TMEM132D: variants seen among roughly 807,000 people sequenced by gnomAD.
The protein encoded by TMEM132D is mature OL transmembrane protein.
TMEM132D carries 21 observed loss-of-function variants against 62.3 expected under a neutral mutation model. The observed-to-expected ratio is 0.34, with a 90% confidence interval of 0.24 to 0.49. The LOEUF (loss-of-function observed/expected upper bound fraction) is 0.49. Ranked by LOEUF, TMEM132D falls within the 20% of genes least tolerant of loss-of-function variation. TMEM132D has a pLI of 0.99. For missense variants in TMEM132D, 1,346 were observed against 1,402.8 expected (o/e 0.96, Z 0.65); for synonymous variants, 621 against 575.6 (o/e 1.08, Z -1.13).
intron 2 of TMEM132D, among the ~76,000 whole-genome samples, chr12:129,628,639 A>G (rs958487037): frequency 2.0e-5 from 3 of 152,196 alleles, no homozygotes; most frequent in Non-Finnish European, 4.4e-5. Flanking sequence ...TCGGGGAATC[A>G]TTCAGTGGAC....
chr12:129,478,343 T>G (rs1285382674), intron 3 of TMEM132D, among the ~76,000 whole-genome samples: 2 of 152,200 alleles, frequency 1.3e-5, no homozygotes, highest in African/African-American at 4.8e-5. Context: ...GTAATTGTGC[T>G]ACAACATTAA....
At chr12:129,079,452 C>T (rs1405758265) in intron 7 of TMEM132D, among the ~76,000 whole-genome samples, 1 of 152,206 alleles carries the variant, frequency 6.6e-6, no homozygotes, top group Non-Finnish European at 1.5e-5. Flanking sequence ...AGACCCTGAA[C>T]AGGAAATCCT....
At chr12:129,437,365 C>T (rs765981638) in intron 3 of TMEM132D, among the ~76,000 whole-genome samples, 13 of 152,300 alleles carry the variant, frequency 8.5e-5, no homozygotes, top group Non-Finnish European at 1.8e-4. Flanking sequence ...GAGAAATACA[C>T]TTTGTCTGCT....
intron 1 of TMEM132D, among the ~76,000 whole-genome samples, chr12:129,820,851 G>A (rs879342754): frequency 1.3e-5 from 2 of 152,168 alleles, no homozygotes; most frequent in South Asian, 2.1e-4. Flanking sequence ...GGCCTCCCAC[G>A]TAGCTGGGAC....
chr12:129,406,512 C>T (rs868024840), intron 3 of TMEM132D, among the ~76,000 whole-genome samples: 5 of 151,474 alleles, frequency 3.3e-5, no homozygotes, highest in Admixed American at 6.6e-5. Context: ...CCCAGCTACT[C>T]GGGAGGCTAA....
chr12:129,474,139 C>T (rs373029554), intron 3 of TMEM132D, among the ~76,000 whole-genome samples: 17 of 152,148 alleles, frequency 1.1e-4, no homozygotes, highest in East Asian at 5.8e-4. Context: ...GCAACACAGT[C>T]GGTTTCTGGG....
chr12:129,404,262 G>T (rs1407204392), intron 3 of TMEM132D, among the ~76,000 whole-genome samples: 1 of 151,742 alleles, frequency 6.6e-6, no homozygotes, highest in East Asian at 1.9e-4. Flanking sequence ...GCAGTGGTAC[G>T]ATCTCGGCTC....
At chr12:129,340,086 C>T (rs1244643380) in intron 3 of TMEM132D, among the ~76,000 whole-genome samples, 3 of 152,118 alleles carry the variant, frequency 2.0e-5, no homozygotes, top group Non-Finnish European at 4.4e-5. Flanking sequence ...CCTAGAAGAG[C>T]CACCTATAAT....
intron 4 of TMEM132D, among the ~76,000 whole-genome samples, chr12:129,229,816 C>T (rs1440052643): frequency 6.6e-6 from 1 of 152,182 alleles, no homozygotes; most frequent in Non-Finnish European, 1.5e-5. Flanking sequence ...TTCAGCAAGA[C>T]TTATTGGTGG....
At chr12:129,519,187 G>T (rs552970808) in intron 3 of TMEM132D, among the ~76,000 whole-genome samples, 27 of 152,066 alleles carry the variant, frequency 1.8e-4, no homozygotes, top group Non-Finnish European at 3.8e-4. Context: ...ACTTGGCTGG[G>T]GAAAAACAGC....
At chr12:129,376,789 A>T (rs1870793397) in intron 3 of TMEM132D, among the ~76,000 whole-genome samples, 1 of 152,216 alleles carries the variant, frequency 6.6e-6, no homozygotes, top group African/African-American at 2.4e-5. Flanking sequence ...GTGCAAACGT[A>T]AGTGAAACTT....
At position 129,446,941 on chromosome 12, in the gene TMEM132D, C is replaced by T. The variant is rs138635651; in HGVS notation, c.1115+84118G>A. Among the ~76,000 whole-genome samples the T allele has an allele frequency of 2.9e-3, 448 of 152,278 alleles. 1 individual carries two copies. The highest frequency in any genetic ancestry group is 0.01 in the African/African-American group (425 of 41,564). ...GGATATGGAGCATAGTATTAGCAAG[C>T]ACACAGCAAAGTCCCCAAGCGGACC... On this transcript the variant is annotated intron_variant, in intron 3 of 8. Coordinates refer to ENST00000422113, the MANE Select transcript of TMEM132D (RefSeq NM_133448.3).
chr12:129,166,762 CATATATATATAT>C (rs1353544931), intron 5 of TMEM132D, among the ~76,000 whole-genome samples: 12 of 19,708 alleles, frequency 6.1e-4, no homozygotes, highest in East Asian at 6.0e-3. Context: ...TACACACACA[CATATATATATAT>C]ACATATATAT....
chr12:129,406,013 T>C (rs1359903448), intron 3 of TMEM132D, among the ~76,000 whole-genome samples: 2 of 152,214 alleles, frequency 1.3e-5, no homozygotes, highest in African/African-American at 4.8e-5. Flanking sequence ...ATTAATTCAC[T>C]CCAAAACCTT....
rs900676485 is a variant in TMEM132D at position 129,805,274 on chromosome 12, C to T, written c.79+97987G>A. On this transcript the variant is annotated intron_variant, in intron 1 of 8. Transcript: ENST00000422113. ...AAAGAACAAAGCTGGAGCCATCATG[C>T]TACCTGACTTCAAACTATACTACAA... 1.7e-4 allele frequency among the ~76,000 whole-genome samples: 26 copies of T among 152,184 alleles called. 1 individual carries two copies. Among genetic ancestry groups the T allele is most frequent in the African/African-American group, 5.5e-4 (23 of 41,448 alleles).
At chr12:129,260,736 A>C (rs1880528659) in intron 4 of TMEM132D, among the ~76,000 whole-genome samples, 1 of 151,932 alleles carries the variant, frequency 6.6e-6, no homozygotes, top group African/African-American at 2.4e-5. Flanking sequence ...CGTAGCTTTA[A>C]CTCTCACTTA....
chr12:129,502,245 C>T (rs1260033615), intron 3 of TMEM132D, among the ~76,000 whole-genome samples: 6 of 152,070 alleles, frequency 3.9e-5, no homozygotes, highest in Non-Finnish European at 8.8e-5. Context: ...GTGATCCACC[C>T]GCCTCGGCCT....
chr12:129,850,881 T>TA (rs1165373278), intron 1 of TMEM132D, among the ~76,000 whole-genome samples: 16 of 152,206 alleles, frequency 1.1e-4, no homozygotes, highest in African/African-American at 3.9e-4. Context: ...TCTTAGAAAT[T>TA]AGATTCTTTT....
At chr12:129,730,165 T>G (rs1226546942) in intron 1 of TMEM132D, among the ~76,000 whole-genome samples, 1 of 152,188 alleles carries the variant, frequency 6.6e-6, no homozygotes, top group Non-Finnish European at 1.5e-5. Context: ...TGTCATATTT[T>G]TCCCTCCTAG....
Sources: gnomAD v4.1 joint callset for allele counts (sites outside exome capture counted in the v4.1 genomes callset) on GRCh38, gnomAD v4.1.1 for gene constraint, MANE v1.5 for transcripts, NCBI Gene and HGNC (gene_info 2026-07-23, HGNC 2026-07-21) for gene names.